FAM178B: variants seen among roughly 807,000 people sequenced by gnomAD.
The protein encoded by FAM178B is protein FAM178B.
FAM178B carries 82 observed loss-of-function variants against 91.7 expected under a neutral mutation model. That is an observed-to-expected ratio of 0.89 (90% CI 0.75 to 1.07). The LOEUF (loss-of-function observed/expected upper bound fraction) is 1.07, where lower values mean the gene tolerates loss of function less well. Among genes scored for constraint, FAM178B ranks in the 50% least tolerant of loss-of-function variants. FAM178B has a pLI of 0.00. For missense variants in FAM178B, 769 were observed against 846.7 expected, an observed-to-expected ratio of 0.91 and a Z score of 1.14; for synonymous variants, 368 against 359.4, an observed-to-expected ratio of 1.02 and a Z score of -0.27.
intron 13 of FAM178B, 23 bp from the exon 14 acceptor site, chr2:96,894,074 T>C (rs760072551): frequency 6.3e-7 from 1 of 1,589,486 alleles, no homozygotes; most frequent in Non-Finnish European, 8.6e-7. Flanking sequence ...AGGGAGGCTG[T>C]CACTCACAGA....
intron 14 of FAM178B, among the ~76,000 whole-genome samples, chr2:96,883,613 G>T (rs1386181933): frequency 6.6e-6 from 1 of 152,218 alleles, no homozygotes; most frequent in African/African-American, 2.4e-5. Flanking sequence ...CAGCTACTGT[G>T]TGTGTGTTGG....
intron 8 of FAM178B, among the ~76,000 whole-genome samples, chr2:96,940,657 G>A (rs933858501): frequency 3.3e-5 from 5 of 152,152 alleles, no homozygotes; most frequent in Non-Finnish European, 7.3e-5. Flanking sequence ...CTACAGACAA[G>A]AGGTGGAGGA....
intron 8 of FAM178B, among the ~76,000 whole-genome samples, chr2:96,942,353 G>A (rs1262475362): frequency 1.3e-5 from 2 of 152,138 alleles, no homozygotes; most frequent in African/African-American, 4.8e-5. Flanking sequence ...TTGACGAGCT[G>A]GTCCTAAAAT....
rs758576037 is a variant in FAM178B, at chr2:96,921,566, A to G, written c.1376T>C (p.Leu459Pro). 1.5e-5 allele frequency: 23 copies of G among 1,551,740 alleles called. No individual in the cohort carries two copies. In the South Asian group the frequency reaches 2.6e-4, roughly 18 times the overall value. ...GGGCAGCAGGCGGAGCCCCACGTCC[A>G]GGCTGGTGCGGCACAGCAGCTCAAT... The part of the protein sequence containing the change: ...GLIELLCRTS[L>P]DVGLRLLPKV... Residue 459 changes from leucine (L) to proline (P), a missense_variant, in exon 11 of 17, where the codon CTG (leucine) becomes CCG (proline). Coordinates refer to ENST00000490605, the MANE Select transcript of FAM178B (RefSeq NM_001122646.3).
intron 6 of FAM178B, among the ~76,000 whole-genome samples, chr2:96,952,185 C>T (rs1307397178): frequency 1.3e-5 from 2 of 152,136 alleles, no homozygotes; most frequent in East Asian, 3.9e-4. Flanking sequence ...ACGATTACCC[C>T]CACGAGGCCA....
chr2:96,968,954 A>G (rs892933506), intron 4 of FAM178B, among the ~76,000 whole-genome samples: 1 of 152,236 alleles, frequency 6.6e-6, no homozygotes, highest in Non-Finnish European at 1.5e-5. Flanking sequence ...AGTCTGTCTT[A>G]TCCACCTTTA....
Position 96,951,362 on chromosome 2 carries a change from A to C in FAM178B, c.993+17T>G. On this transcript the variant is annotated intron_variant, in intron 7 of 16. Coordinates refer to ENST00000490605, the MANE Select transcript of FAM178B (RefSeq NM_001122646.3). ...TGCAGCGCTCCCGCCACCTAGTGGC[A>C]GGCCTGCGGTCCTCACCTGGAACAG... is the stretch of plus-strand genomic sequence containing the variant. The C allele has an allele frequency of 6.5e-7, 1 of 1,527,476 alleles. No individual in the cohort carries two copies. 94.6% of individuals were successfully genotyped at this position (1,527,476 alleles called of 1,614,324 possible).
At chr2:96,903,086 C>T (rs1305857870) in intron 12 of FAM178B, among the ~76,000 whole-genome samples, 2 of 152,224 alleles carry the variant, frequency 1.3e-5, no homozygotes, top group Non-Finnish European at 1.5e-5. Flanking sequence ...GTCGCCCAGG[C>T]TGGAGTGCAG....
Position 96,916,760 on chromosome 2 carries a change from C to T in FAM178B, c.1562+4405G>A, listed in dbSNP as rs191844267. ...GCAGTGCATCCCATGAAGTCTTGAA[C>T]GCTGAGGCAGGGGCTGCGGGTGTAC... is the stretch of plus-strand genomic sequence containing the variant. On this transcript the variant is annotated intron_variant, in intron 12 of 16. Transcript: ENST00000490605. Among the ~76,000 whole-genome samples, 4 of 152,304 alleles carry T rather than the reference C, an allele frequency of 2.6e-5. No individual in the cohort carries two copies. The East Asian group carries it at 7.7e-4, about 29-fold the overall frequency.
chr2:96,911,450 G>A (rs577826487), intron 12 of FAM178B, among the ~76,000 whole-genome samples: 2 of 152,368 alleles, frequency 1.3e-5, no homozygotes, highest in East Asian at 1.9e-4. Context: ...CGGCAAAAGC[G>A]TGGAAGCCTG....
In FAM178B at chr2:96,972,180, CT is replaced by C; in HGVS notation, c.284del (p.Lys95ArgfsTer49). 1 of 1,546,788 alleles carries C rather than the reference CT, an allele frequency of 6.5e-7. No homozygotes were observed. Among genetic ancestry groups the C allele is most frequent in the South Asian group, 1.2e-5 (1 of 83,542 alleles). On this transcript the variant is annotated frameshift_variant, in exon 3 of 17. Transcript: ENST00000490605. LOFTEE classifies it high-confidence loss of function. ...CCCCAGGTGCCTGTATCTTGGGCTT[CT>C]TTGGCGATGTGGGAGCTGGAGCCGA... ...PASAPAPTSP[K>X]KPKIQAPGET...
rs1367749918 is a variant in FAM178B at position 96,921,201 on chromosome 2, A to AG, written c.1525dup (p.Leu509ProfsTer78). 6.4e-7 allele frequency: 1 copy of AG among 1,551,536 alleles called. No homozygotes were observed. The highest frequency in any genetic ancestry group is 1.2e-5 in the South Asian group (1 of 84,048). On this transcript the variant is annotated frameshift_variant, in exon 12 of 17. Transcript: ENST00000490605. LOFTEE classifies it high-confidence loss of function. ...GGTCATGTCTGGGAAGAACTGCACGAGGGCCAGCAGGTTGTGGTGGTGGTC... is the reference window on the plus strand; with the variant it reads ...GGTCATGTCTGGGAAGAACTGCACGAGGGGCCAGCAGGTTGTGGTGGTGGTC...
chr2:96,983,822 A>C (rs1359339373), intron 1 of FAM178B, among the ~76,000 whole-genome samples: 1 of 152,240 alleles, frequency 6.6e-6, no homozygotes, highest in Admixed American at 6.5e-5. Flanking sequence ...GTTGCATGCT[A>C]TATGCCTGTA....
At chr2:96,918,126 T>C (rs2081272422) in intron 12 of FAM178B, among the ~76,000 whole-genome samples, 1 of 145,104 alleles carries the variant, frequency 6.9e-6, no homozygotes, top group Admixed American at 7.0e-5. Context: ...CATAAAACTG[T>C]CCTGTAAATC....
intron 13 of FAM178B, among the ~76,000 whole-genome samples, chr2:96,896,123 GC>G (rs1358500185): frequency 6.6e-6 from 1 of 152,326 alleles, no homozygotes; most frequent in East Asian, 1.9e-4. Context: ...ATAGGGTCAG[GC>G]TCTGCAGCCC....
intron 5 of FAM178B, among the ~76,000 whole-genome samples, chr2:96,965,952 C>T (rs780971083): frequency 6.6e-5 from 10 of 152,034 alleles, no homozygotes; most frequent in Non-Finnish European, 1.2e-4. Context: ...CCTCAAGCAC[C>T]GTCATTACTT....
At chr2:96,877,594 G>T (rs1467470123) in intron 16 of FAM178B, among the ~76,000 whole-genome samples, 1 of 152,172 alleles carries the variant, frequency 6.6e-6, no homozygotes, top group Non-Finnish European at 1.5e-5. Context: ...GGTAGAGACG[G>T]GTTTCACCAT....
Position 96,972,321 on chromosome 2 carries a change from C to A in FAM178B, c.144G>T (p.Gly48=). The A allele has an allele frequency of 1.4e-6, 2 of 1,466,266 alleles. No individual in the cohort carries two copies. Among genetic ancestry groups the A allele is most frequent in the South Asian group, 2.8e-5 (2 of 70,490 alleles). 90.8% of individuals were successfully genotyped at this position (1,466,266 alleles called of 1,614,324 possible). A position where few individuals can be genotyped will look rare whatever the true frequency, so the allele number is the denominator to read the frequency against. ...ETVLALPLRE[G]VQAAATVPIL... is the part of the protein sequence containing the mutation. ...TGGGCACGGTGGCGGCAGCCTGCAC[C>A]CCTGCAGACAGGACAGAATACTGTG... The change falls in exon 3 of 17, where the codon GGG becomes GGT. Residue 48 remains glycine (G), a splice_region_variant and synonymous_variant. Coordinates refer to ENST00000490605, the MANE Select transcript of FAM178B (RefSeq NM_001122646.3).
chr2:96,961,310 A>AGGGG (rs142248582), intron 5 of FAM178B, among the ~76,000 whole-genome samples: 353 of 78,874 alleles, frequency 4.5e-3, no homozygotes, highest in African/African-American at 0.021. Flanking sequence ...ACAGCAGCAG[A>AGGGG]GGGTGTGTGT....
Sources: gnomAD v4.1 joint callset for allele counts (sites outside exome capture counted in the v4.1 genomes callset) on GRCh38, gnomAD v4.1.1 for gene constraint, MANE v1.5 for transcripts, NCBI Gene and HGNC (gene_info 2026-07-23, HGNC 2026-07-21) for gene names.